The following CSMD1 variants were observed in gnomAD, a reference collection of about 807,000 sequenced individuals.
CSMD1 encodes the protein CUB and Sushi multiple domains 1.
A neutral mutation model predicts 417.5 loss-of-function variants in CSMD1; 213 were observed. That is an observed-to-expected ratio of 0.51 (90% CI 0.46 to 0.57). The LOEUF is 0.57. CSMD1 is among the 20% of genes least tolerant of loss of function. CSMD1 has a pLI of 0.00. For missense variants in CSMD1, 6,923 were observed against 4,529.7 expected (o/e 1.53, Z -15.17); for synonymous variants, 2,862 against 1,736.8 (o/e 1.65, Z -16.11).
intron 2 of CSMD1, among the ~76,000 whole-genome samples, chr8:4,598,559 C>G (rs1800404619): frequency 6.6e-6 from 1 of 152,158 alleles, no homozygotes; most frequent in African/African-American, 2.4e-5. Context: ...GCAAGGAAAA[C>G]TCCACATTGG....
At chr8:4,622,234 G>C (rs1801823516) in intron 2 of CSMD1, among the ~76,000 whole-genome samples, 2 of 151,764 alleles carry the variant, frequency 1.3e-5, no homozygotes, top group South Asian at 4.1e-4. Context: ...CTCAGGCAGA[G>C]TACTCAAAGA....
intron 6 of CSMD1, among the ~76,000 whole-genome samples, chr8:3,752,869 G>A (rs1797430551): frequency 6.6e-6 from 1 of 151,872 alleles, no homozygotes; most frequent in African/African-American, 2.4e-5. Context: ...TTTCTCTACT[G>A]GTCATCCTGA....
rs183728948 is a variant in CSMD1 at position 4,165,652 on chromosome 8, C to T, written c.416-133553G>A. ...TCCTTGACACAAGGGATCATTGAAC[C>T]TTGGCCTCCCAAAGTGCCGGAATTA... On this transcript the variant is annotated intron_variant, in intron 3 of 69. Transcript: ENST00000635120. 1.4e-4 allele frequency among the ~76,000 whole-genome samples: 21 copies of T among 152,308 alleles called. No homozygotes were observed. The East Asian group carries it at 3.7e-3, about 27-fold the overall frequency.
rs183101784 is a variant in CSMD1, at chr8:4,578,826, A to C, written c.302+58516T>G. Among the ~76,000 whole-genome samples, 1,231 of 150,588 alleles carry C rather than the reference A, an allele frequency of 8.2e-3. 26 individuals carry two copies. Among genetic ancestry groups the C allele is most frequent in the African/African-American group, 0.028 (1,152 of 40,760 alleles). ...TAGACTCCACCTCAAAAAAAAAAAA[A>C]AAACAAACCTATCTTTACAAGCAGA... On this transcript the variant is annotated intron_variant, in intron 2 of 69. Coordinates refer to ENST00000635120, the MANE Select transcript of CSMD1 (RefSeq NM_033225.6).
chr8:3,466,795 G>A (rs1051135943), intron 12 of CSMD1, among the ~76,000 whole-genome samples: 6 of 151,952 alleles, frequency 3.9e-5, no homozygotes, highest in South Asian at 2.1e-4. Flanking sequence ...TTATGTATAC[G>A]CATAAAGGTC....
chr8:4,198,625 C>G (rs1033518515), intron 3 of CSMD1, among the ~76,000 whole-genome samples: 12 of 152,062 alleles, frequency 7.9e-5, no homozygotes, highest in Admixed American at 1.3e-4. Context: ...GCATATAGAT[C>G]GATGGATAAT....
chr8:3,193,830 A>G (rs1796557742), intron 33 of CSMD1, among the ~76,000 whole-genome samples: 1 of 152,194 alleles, frequency 6.6e-6, no homozygotes, highest in African/African-American at 2.4e-5. Context: ...AGCCGGAAGC[A>G]TGTTGTGACA....
chr8:4,928,202 A>G (rs1447795679), intron 1 of CSMD1, among the ~76,000 whole-genome samples: 1 of 152,132 alleles, frequency 6.6e-6, no homozygotes, highest in African/African-American at 2.4e-5. Flanking sequence ...CCCGTCACCA[A>G]GAAGCTGACC....
intron 3 of CSMD1, among the ~76,000 whole-genome samples, chr8:4,348,942 G>C (rs1007182075): frequency 6.6e-6 from 1 of 152,098 alleles, no homozygotes; most frequent in Non-Finnish European, 1.5e-5. Context: ...TAACCAGACA[G>C]TGCCCTCAGA....
chr8:2,949,530 T>C (rs1105081), intron 67 of CSMD1, 144 bp from the exon 68 acceptor site: 24,031 of 451,968 alleles, frequency 0.053, 1,012 homozygotes, highest in South Asian at 0.15. Flanking sequence ...GCCATGGCTT[T>C]TGGTGACACA....
At chr8:3,712,954 A>G (rs1465845355) in intron 6 of CSMD1, among the ~76,000 whole-genome samples, 1 of 152,170 alleles carries the variant, frequency 6.6e-6, no homozygotes, top group Non-Finnish European at 1.5e-5. Flanking sequence ...AGTTAATAAC[A>G]ATGTATTGTG....
At chr8:4,991,574 C>T (rs1811464316) in intron 1 of CSMD1, among the ~76,000 whole-genome samples, 1 of 152,138 alleles carries the variant, frequency 6.6e-6, no homozygotes, top group Non-Finnish European at 1.5e-5. Context: ...CTGCCCACGG[C>T]AGTGGCCGGG....
intron 5 of CSMD1, among the ~76,000 whole-genome samples, chr8:3,966,589 T>G (rs995379148): frequency 1.7e-4 from 26 of 152,212 alleles, no homozygotes; most frequent in African/African-American, 6.0e-4. Context: ...TGGTTTGCAG[T>G]TTTTGGCATG....
At chr8:3,522,404 T>A (rs920718098) in intron 10 of CSMD1, among the ~76,000 whole-genome samples, 1 of 152,162 alleles carries the variant, frequency 6.6e-6, no homozygotes, top group African/African-American at 2.4e-5. Context: ...TTCCATTTCG[T>A]GTGGGGGTTT....
At chr8:3,381,812 G>A (rs1459315007) in intron 18 of CSMD1, among the ~76,000 whole-genome samples, 1 of 152,144 alleles carries the variant, frequency 6.6e-6, no homozygotes, top group Admixed American at 6.5e-5. Context: ...AGTTATCTCT[G>A]AAGAGGCGAG....
At chr8:4,950,367 T>C (rs1174989909) in intron 1 of CSMD1, among the ~76,000 whole-genome samples, 8 of 152,150 alleles carry the variant, frequency 5.3e-5, no homozygotes, top group Admixed American at 5.2e-4. Context: ...GTTAAATAAG[T>C]AGAGGGTTAA....
chr8:4,991,758 T>A (rs1563946547), intron 1 of CSMD1, among the ~76,000 whole-genome samples: 1 of 152,170 alleles, frequency 6.6e-6, no homozygotes, highest in Non-Finnish European at 1.5e-5. Flanking sequence ...GCCGCCCCAA[T>A]GGCCAGAGCG....
chr8:3,921,904 G>T (rs1029058616), intron 5 of CSMD1, among the ~76,000 whole-genome samples: 7 of 152,088 alleles, frequency 4.6e-5, no homozygotes, highest in African/African-American at 1.7e-4. Context: ...GGTCCATCTG[G>T]TCCATACTGT....
intron 2 of CSMD1, among the ~76,000 whole-genome samples, chr8:4,447,357 A>G (rs1475247449): frequency 6.6e-6 from 1 of 152,204 alleles, no homozygotes; most frequent in African/African-American, 2.4e-5. Context: ...TATACAAGTT[A>G]AGAGGAAATA....
Sources: allele counts gnomAD v4.1 joint callset (sites outside exome capture counted in the v4.1 genomes callset), GRCh38; gene constraint gnomAD v4.1.1; transcripts MANE v1.5; gene names NCBI Gene and HGNC (gene_info 2026-07-23, HGNC 2026-07-21).